LARP4B: variants seen among roughly 807,000 people sequenced by gnomAD.
The protein encoded by LARP4B is la-related protein 4B.
LARP4B carries 12 observed loss-of-function variants against 89.8 expected under a neutral mutation model. That is an observed-to-expected ratio of 0.13 (90% CI 0.09 to 0.22). The LOEUF is 0.22. Ranked by LOEUF, LARP4B falls within the 10% of genes least tolerant of loss-of-function variation. The pLI is 1.00. For missense variants in LARP4B, 757 were observed against 947.7 expected (o/e 0.80, Z 2.64); for synonymous variants, 367 against 363.3 (o/e 1.01, Z -0.12).
chr10:863,379 C>G (rs1834725535), intron 5 of LARP4B, among the ~76,000 whole-genome samples: 1 of 152,054 alleles, frequency 6.6e-6, no homozygotes, highest in African/African-American at 2.4e-5. Flanking sequence ...CCCGCCACCA[C>G]GCCCAGCTGA....
chr10:833,283 A>AAC (rs1564392171), intron 8 of LARP4B, among the ~76,000 whole-genome samples: 1 of 141,388 alleles, frequency 7.1e-6, no homozygotes, highest in African/African-American at 2.6e-5. Flanking sequence ...AAAAAAAAAA[A>AAC]ACCTCAAAAT....
chr10:915,644 A>T (rs1436615212), intron 1 of LARP4B, among the ~76,000 whole-genome samples: 1 of 151,972 alleles, frequency 6.6e-6, no homozygotes, highest in African/African-American at 2.4e-5. Context: ...CTCTACTAAA[A>T]ATACAAACAA....
At chr10:948,739 AT>A in the LARP4B span, among the ~76,000 whole-genome samples, 1 of 152,182 alleles carries the variant, frequency 6.6e-6, no homozygotes, top group African/African-American at 2.4e-5. Flanking sequence ...TGTTCTATAA[AT>A]GGAATCTCAT....
the LARP4B span, among the ~76,000 whole-genome samples, chr10:978,355 T>C: frequency 2.0e-5 from 3 of 152,236 alleles, no homozygotes; most frequent in Non-Finnish European, 4.4e-5. Context: ...GGTTACGTTA[T>C]TGGTTTACAT....
chr10:822,253 G>C lies in LARP4B; in HGVS notation c.1485-1408C>G, dbSNP rs918629679. Among the ~76,000 whole-genome samples, 1 of 152,258 alleles carries C rather than the reference G, an allele frequency of 6.6e-6. No individual in the cohort carries two copies. Among genetic ancestry groups the C allele is most frequent in the South Asian group, 2.1e-4 (1 of 4,838 alleles). On this transcript the variant is annotated intron_variant, in intron 13 of 17. Coordinates refer to ENST00000316157, the MANE Select transcript of LARP4B (RefSeq NM_015155.3). The surrounding 1 kb of genome is among the most constrained non-coding windows in gnomAD (Gnocchi z 4.6). ...GGCCCTGGGGACCTGGGAGGGGTGT[G>C]AGACGGATGGTGTCAGCACCTGCTT...
chr10:901,219 G>C (rs1162184466), intron 1 of LARP4B, among the ~76,000 whole-genome samples: 2 of 152,060 alleles, frequency 1.3e-5, no homozygotes, highest in Non-Finnish European at 2.9e-5. Context: ...CCAGCAGAAG[G>C]ATATATTTCT....
chr10:863,613 T>G, intron 5 of LARP4B, 130 bp downstream of exon 5: 1 of 994,430 alleles, frequency 1.0e-6, no homozygotes, highest in Non-Finnish European at 1.4e-6. Flanking sequence ...CACATAAGGG[T>G]GAGTTTAAAG....
At position 813,209 on chromosome 10, in the gene LARP4B, A is replaced by G. The variant is rs750089592; in HGVS notation, c.1934T>C (p.Leu645Ser). 6.2e-7 allele frequency: 1 copy of G among 1,606,562 alleles called. No individual in the cohort carries two copies. Among genetic ancestry groups the G allele is most frequent in the Non-Finnish European group, 8.5e-7 (1 of 1,176,998 alleles). ...SVQVNGAATE[L>S]RKPSYAEICQ... ...AATCTCTGCGTAGCTGGGCTTTCGCAATTCCTGGAAACAGACAATCCTGGG... is the reference window on the plus strand; with the variant it reads ...AATCTCTGCGTAGCTGGGCTTTCGCGATTCCTGGAAACAGACAATCCTGGG... The change falls in exon 18 of 18, where the codon TTG becomes TCG. Residue 645 changes from leucine to serine, a missense_variant. By Grantham distance (145) the Leu-to-Ser change is moderately radical (BLOSUM62 -2). Coordinates refer to ENST00000316157, the MANE Select transcript of LARP4B (RefSeq NM_015155.3).
chr10:933,044 A>G (rs1589003639), upstream of LARP4B: 1 of 152,348 alleles, frequency 6.6e-6, no homozygotes, highest in Middle Eastern at 3.4e-3. Context: ...GAGGATGGTG[A>G]CGACTCCGAA....
upstream of LARP4B, among the ~76,000 whole-genome samples, chr10:932,115 C>T (rs1377471669): frequency 7.9e-5 from 12 of 151,962 alleles, no homozygotes; most frequent in Non-Finnish European, 1.8e-4. Context: ...CCCTGCCCGC[C>T]GCCCAGGACG....
the LARP4B span, among the ~76,000 whole-genome samples, chr10:944,366 T>G: frequency 1.3e-5 from 2 of 152,146 alleles, no homozygotes; most frequent in Non-Finnish European, 2.9e-5. Context: ...TCATTCAACA[T>G]CATCAGCCTG....
the LARP4B span, chr10:987,547 T>TC: frequency 5.9e-5 from 9 of 152,216 alleles, no homozygotes; most frequent in African/African-American, 2.2e-4. Flanking sequence ...TGCCTTTGTT[T>TC]CCCCATGCAC....
upstream of LARP4B, among the ~76,000 whole-genome samples, chr10:935,017 C>G (rs1266456467): frequency 1.3e-5 from 2 of 152,230 alleles, no homozygotes; most frequent in African/African-American, 4.8e-5. Context: ...TCCAAGTTCT[C>G]CTGTGGAAAG....
intron 3 of LARP4B, among the ~76,000 whole-genome samples, chr10:870,519 G>A (rs1036369178): frequency 6.6e-6 from 1 of 152,132 alleles, no homozygotes; most frequent in African/African-American, 2.4e-5. Context: ...GGAGTGTCAC[G>A]TGACTCTATT....
chr10:923,754 C>T (rs1406329218), intron 1 of LARP4B, among the ~76,000 whole-genome samples: 1 of 151,986 alleles, frequency 6.6e-6, no homozygotes, highest in Non-Finnish European at 1.5e-5. Flanking sequence ...ACATCTATAC[C>T]AAATTGATCA....
At chr10:864,014 T>C in intron 4 of LARP4B, 109 bp downstream of exon 4, 1 of 1,559,188 alleles carries the variant, frequency 6.4e-7, no homozygotes, top group Non-Finnish European at 8.7e-7. Flanking sequence ...CACTGCCACA[T>C]ACCATGACAC....
chr10:887,345 C>G (rs1835887440), intron 1 of LARP4B, among the ~76,000 whole-genome samples: 1 of 151,504 alleles, frequency 6.6e-6, no homozygotes, highest in Non-Finnish European at 1.5e-5. Context: ...TATTAATGGG[C>G]TGGACTCCAG....
intron 3 of LARP4B, among the ~76,000 whole-genome samples, chr10:867,862 GAAAAA>G (rs903762145): frequency 4.6e-5 from 2 of 43,384 alleles, no homozygotes; most frequent in Non-Finnish European, 8.9e-5. Context: ...CTCCATCCTT[GAAAAA>G]AAAAAAAAAA....
At chr10:872,991 G>A (rs961198207) in intron 3 of LARP4B, 17 of 982,014 alleles carry the variant, frequency 1.7e-5, no homozygotes, top group African/African-American at 5.2e-5. Context: ...CTGCCAGTAC[G>A]GTGAACCTCC....
Sources: allele counts gnomAD v4.1 joint callset (sites outside exome capture counted in the v4.1 genomes callset), GRCh38; gene constraint gnomAD v4.1.1; non-coding constraint Gnocchi (gnomAD v3.1); transcripts MANE v1.5; gene names NCBI Gene and HGNC (gene_info 2026-07-23, HGNC 2026-07-21).